The following MSI2 variants were observed in gnomAD, a reference collection of about 807,000 sequenced individuals.
MSI2 encodes the protein RNA-binding protein Musashi homolog 2.
A neutral mutation model predicts 45.6 loss-of-function variants in MSI2; 17 were observed. That is an observed-to-expected ratio of 0.37 (90% confidence interval 0.26 to 0.56). The LOEUF (loss-of-function observed/expected upper bound fraction) is 0.56, where lower values mean the gene tolerates loss of function less well. MSI2 is among the 20% of genes least tolerant of loss of function. The pLI is 0.77. For synonymous variants in MSI2, 156 were observed against 158.2 expected (o/e 0.99, Z 0.11); for missense variants, 293 against 444.2 (o/e 0.66, Z 3.06).
intron 5 of MSI2, among the ~76,000 whole-genome samples, chr17:57,282,968 G>A (rs371971950): frequency 2.6e-5 from 4 of 151,748 alleles, no homozygotes; most frequent in African/African-American, 7.3e-5. Context: ...CTGGCAGGGC[G>A]ATTTTGCTTT....
chr17:57,259,858 G>T (rs1907148006), intron 4 of MSI2: 1 of 152,252 alleles, frequency 6.6e-6, no homozygotes, highest in Admixed American at 6.5e-5. Context: ...GTGGCTGGTG[G>T]GTCATATTCC....
chr17:57,610,270 G>C (rs1907109427), intron 8 of MSI2, among the ~76,000 whole-genome samples: 1 of 152,154 alleles, frequency 6.6e-6, no homozygotes, highest in Non-Finnish European at 1.5e-5. Flanking sequence ...GGCCAATGTG[G>C]TGAAACCCCT....
At chr17:57,491,156 A>G (rs2085864580) in intron 6 of MSI2, among the ~76,000 whole-genome samples, 1 of 152,222 alleles carries the variant, frequency 6.6e-6, no homozygotes, top group Non-Finnish European at 1.5e-5. Flanking sequence ...CGCATTGGTC[A>G]GTTTATTCGG....
At chr17:57,638,417 A>T (rs186134245) in intron 10 of MSI2, among the ~76,000 whole-genome samples, 2 of 152,304 alleles carry the variant, frequency 1.3e-5, no homozygotes, top group East Asian at 3.9e-4. Flanking sequence ...CAAGGGTGCA[A>T]GGAATTCAGA....
At chr17:57,671,380 C>G (rs1912759309) in intron 11 of MSI2, 1 of 152,280 alleles carries the variant, frequency 6.6e-6, no homozygotes, top group Non-Finnish European at 1.5e-5. Flanking sequence ...ACACGCACAC[C>G]CTAGCTGAGC....
intron 6 of MSI2, among the ~76,000 whole-genome samples, chr17:57,467,924 G>C (rs915947136): frequency 1.3e-4 from 18 of 142,132 alleles, no homozygotes; most frequent in Non-Finnish European, 2.4e-4. Flanking sequence ...CCCATTTTTA[G>C]GTATCTGGCA....
intron 7 of MSI2, among the ~76,000 whole-genome samples, chr17:57,543,731 C>T (rs1020400463): frequency 6.6e-6 from 1 of 151,162 alleles, no homozygotes; most frequent in Non-Finnish European, 1.5e-5. Flanking sequence ...TAATTTGCTC[C>T]CTCCCCCATG....
intron 7 of MSI2, among the ~76,000 whole-genome samples, chr17:57,558,202 G>A (rs1360769267): frequency 1.3e-5 from 2 of 152,118 alleles, no homozygotes; most frequent in Non-Finnish European, 2.9e-5. Context: ...CAGCGTATTA[G>A]GCGCCTCTGT....
At chr17:57,545,208 T>C (rs867289241) in intron 7 of MSI2, among the ~76,000 whole-genome samples, 6 of 152,124 alleles carry the variant, frequency 3.9e-5, no homozygotes, top group Admixed American at 6.5e-5. Flanking sequence ...ACCTCATAAG[T>C]GCCTCCTCAC....
chr17:57,500,555 A>G (rs779719272), intron 6 of MSI2, among the ~76,000 whole-genome samples: 2 of 151,960 alleles, frequency 1.3e-5, no homozygotes, highest in South Asian at 4.2e-4. Context: ...AACCACTGTC[A>G]GGAGAGGAAG....
At chr17:57,506,203 G>A (rs890029434) in intron 6 of MSI2, among the ~76,000 whole-genome samples, 9 of 152,182 alleles carry the variant, frequency 5.9e-5, no homozygotes, top group Non-Finnish European at 8.8e-5. Flanking sequence ...AATTAGCCAC[G>A]ATCAGGGTTT....
chr17:57,605,381 C>T (rs577184237), intron 8 of MSI2, among the ~76,000 whole-genome samples: 2 of 152,312 alleles, frequency 1.3e-5, no homozygotes, highest in African/African-American at 4.8e-5. Flanking sequence ...CTGAGTGGTT[C>T]GCTTGCCCTT....
intron 5 of MSI2, among the ~76,000 whole-genome samples, chr17:57,286,422 T>G (rs1000652576): frequency 6.6e-6 from 1 of 152,122 alleles, no homozygotes; most frequent in African/African-American, 2.4e-5. Flanking sequence ...TCTCTGAGAG[T>G]CATTGATTCA....
At chr17:57,607,776 C>T (rs1393178218) in intron 8 of MSI2, among the ~76,000 whole-genome samples, 2 of 152,178 alleles carry the variant, frequency 1.3e-5, no homozygotes, top group Non-Finnish European at 2.9e-5. Flanking sequence ...TGGGGTGGGG[C>T]CTCAGGGAGC....
chr17:57,563,746 G>GCACA (rs61342598), intron 7 of MSI2, among the ~76,000 whole-genome samples: 14,981 of 139,204 alleles, frequency 0.11, 823 homozygotes, highest in East Asian at 0.18. Context: ...ACACAGGCGC[G>GCACA]CACACACACA....
rs549196673 is a variant in MSI2, at chr17:57,261,038, C to T, written c.271-1113C>T. On this transcript the variant is annotated intron_variant, in intron 4 of 13. Coordinates refer to ENST00000284073, the MANE Select transcript of MSI2 (RefSeq NM_138962.4). Reference sequence around the variant, plus strand: ...ATAAATAACTGGTAGCATGTTTATACTATCTGTGTTACATTTTTACCCAAA... The same window carrying T: ...ATAAATAACTGGTAGCATGTTTATATTATCTGTGTTACATTTTTACCCAAA... Among the ~76,000 whole-genome samples the T allele has an allele frequency of 2.0e-5, 3 of 152,336 alleles. No homozygotes were observed. The East Asian group carries it at 5.8e-4, about 29-fold the overall frequency.
At chr17:57,342,725 T>C (rs2143796864) in intron 5 of MSI2, among the ~76,000 whole-genome samples, 1 of 152,312 alleles carries the variant, frequency 6.6e-6, no homozygotes, top group East Asian at 1.9e-4. Flanking sequence ...AATGTTTCAG[T>C]GACCACAAAA....
intron 5 of MSI2, among the ~76,000 whole-genome samples, chr17:57,296,913 C>T (rs554674118): frequency 3.3e-5 from 5 of 152,142 alleles, no homozygotes; most frequent in African/African-American, 7.2e-5. Context: ...CTCACTCTGT[C>T]GCCCAGGCTG....
In MSI2 at chr17:57,677,056, T is replaced by C. The variant is rs1410918382; in HGVS notation, c.*28T>C. 1 of 1,610,546 alleles carries C rather than the reference T, an allele frequency of 6.2e-7. No homozygotes were observed. Among genetic ancestry groups the C allele is most frequent in the African/African-American group, 1.3e-5 (1 of 74,864 alleles). ...AGGTGCTTTCGTTGCCATCTCACTC[T>C]GAGGTATTACCGTCTCTGCCATGTG... On this transcript the variant is annotated 3_prime_UTR_variant, in exon 13 of 14. Transcript: ENST00000284073.
Sources: gnomAD v4.1 joint callset for allele counts (sites outside exome capture counted in the v4.1 genomes callset) on GRCh38, gnomAD v4.1.1 for gene constraint, MANE v1.5 for transcripts, NCBI Gene and HGNC (gene_info 2026-07-23, HGNC 2026-07-21) for gene names.